Variants in ANTXR1 observed in about 807,000 individuals in gnomAD.
The protein encoded by ANTXR1 is anthrax toxin receptor 1.
In ANTXR1, 19 loss-of-function variants were observed where a neutral mutation model predicts 78.1. That is an observed-to-expected ratio of 0.24 (90% CI 0.17 to 0.36). The LOEUF (loss-of-function observed/expected upper bound fraction) is 0.36, where lower values mean the gene tolerates loss of function less well. Among genes scored for constraint, ANTXR1 ranks in the 10% least tolerant of loss-of-function variants. The pLI is 1.00. For missense variants in ANTXR1, 518 were observed against 718.6 expected (o/e 0.72, Z 3.19); for synonymous variants, 273 against 260.5 (o/e 1.05, Z -0.46).
intron 17 of ANTXR1, among the ~76,000 whole-genome samples, chr2:69,239,661 G>C (rs2104530632): frequency 6.6e-6 from 1 of 152,334 alleles, no homozygotes; most frequent in Non-Finnish European, 1.5e-5. Flanking sequence ...AGCCCATAGA[G>C]AGAAAGTGAC....
At chr2:69,094,917 C>G (rs554580981) in intron 9 of ANTXR1, among the ~76,000 whole-genome samples, 4 of 152,266 alleles carry the variant, frequency 2.6e-5, no homozygotes, top group African/African-American at 9.6e-5. Context: ...GGTAAGATAG[C>G]AGAAAAGACA....
intron 6 of ANTXR1, among the ~76,000 whole-genome samples, chr2:69,073,656 G>GA (rs1372317275): frequency 6.6e-6 from 1 of 152,012 alleles, no homozygotes; most frequent in Non-Finnish European, 1.5e-5. Flanking sequence ...AAGGCAAGTG[G>GA]AAAAATTCTC....
At chr2:69,126,029 G>C (rs1441329894) in intron 12 of ANTXR1, among the ~76,000 whole-genome samples, 1 of 152,196 alleles carries the variant, frequency 6.6e-6, no homozygotes, top group Non-Finnish European at 1.5e-5. Context: ...TTTGGAAGCT[G>C]TGTTGTTAGA....
chr2:69,106,867 G>A (rs148856731), intron 10 of ANTXR1, among the ~76,000 whole-genome samples: 46 of 152,228 alleles, frequency 3.0e-4, no homozygotes, highest in Non-Finnish European at 2.9e-5. Context: ...CAAACAAGAA[G>A]AGAGGATCAG....
rs34296585 is a variant in ANTXR1 at position 69,182,980 on chromosome 2, T to TAAAAAAA, written c.1353+330_1353+336dup. 203 of 209,090 alleles carry TAAAAAAA rather than the reference T, an allele frequency of 9.7e-4. 1 individual carries two copies. The highest frequency in any genetic ancestry group is 5.0e-3 in the African/African-American group (193 of 38,350). The allele number at this position is 209,090 out of a possible 1,614,324, so 13.0% of individuals were successfully genotyped here. A position where few individuals can be genotyped will look rare whatever the true frequency, so the allele number is the denominator to read the frequency against. On this transcript the variant is annotated intron_variant, in intron 16 of 17. Coordinates refer to ENST00000303714, the MANE Select transcript of ANTXR1 (RefSeq NM_032208.3). ...TGCAAATTCGTGAAGTGTTCCATATTAAAAAAAAAAAAAAAATCACCATGG... is the reference window on the plus strand; with the variant it reads ...TGCAAATTCGTGAAGTGTTCCATATTAAAAAAAAAAAAAAAAAAAAAAATCACCATGG...
intron 11 of ANTXR1, 48 bp downstream of exon 11, chr2:69,123,134 G>T: frequency 6.3e-7 from 1 of 1,575,106 alleles, no homozygotes; most frequent in South Asian, 1.1e-5. Context: ...AAGAGAGAGA[G>T]GAGGTGTACG....
At position 69,040,065 on chromosome 2, in the gene ANTXR1, C is replaced by A. The variant is rs748038870; in HGVS notation, c.174C>A (p.His58Gln). ...ILDKSGSVLH[H>Q]WNEIYYFVEQ... The stretch of plus-strand genomic sequence containing the variant: ...CTAGATCAGGAAGTGTGCTGCACCA[C>A]TGGAATGAAATCTATTACTTTGTGG... The change falls in exon 2 of 18, where the codon CAC becomes CAA. Residue 58 changes from histidine to glutamine, a missense_variant. Transcript: ENST00000303714. 6.2e-7 allele frequency: 1 copy of A among 1,613,466 alleles called. No individual in the cohort carries two copies.
At chr2:69,213,794 G>T (rs1034471118) in intron 17 of ANTXR1, among the ~76,000 whole-genome samples, 2 of 152,260 alleles carry the variant, frequency 1.3e-5, no homozygotes, top group African/African-American at 2.4e-5. Context: ...CCACATGTGG[G>T]TCATGGAAAG....
At chr2:69,122,947 C>G in intron 10 of ANTXR1, 70 bp from the exon 11 acceptor site, 1 of 1,526,792 alleles carries the variant, frequency 6.5e-7, no homozygotes, top group African/African-American at 1.4e-5. Context: ...TTGATGTTCT[C>G]TAGAAGTCAT....
intron 12 of ANTXR1, chr2:69,145,800 A>G (rs1673208680): frequency 1.0e-6 from 1 of 991,644 alleles, no homozygotes; most frequent in African/African-American, 1.7e-5. Flanking sequence ...TATCATCCAG[A>G]GGCCTGGTTC....
intron 3 of ANTXR1, among the ~76,000 whole-genome samples, chr2:69,058,677 AG>A (rs1670143252): frequency 6.6e-6 from 1 of 152,218 alleles, no homozygotes; most frequent in Non-Finnish European, 1.5e-5. Context: ...CCCATGGATC[AG>A]GGAGTAATTT....
chr2:69,017,544 TG>T (rs1159235259), intron 1 of ANTXR1, among the ~76,000 whole-genome samples: 1 of 152,182 alleles, frequency 6.6e-6, no homozygotes, highest in Non-Finnish European at 1.5e-5. Context: ...ATACATTTAA[TG>T]GAACGTCATG....
intron 9 of ANTXR1, among the ~76,000 whole-genome samples, chr2:69,096,129 G>A (rs1671392597): frequency 6.6e-6 from 1 of 151,728 alleles, no homozygotes; most frequent in African/African-American, 2.4e-5. Context: ...GTGGTGGCGG[G>A]CTCCTGTAGT....
intron 1 of ANTXR1, among the ~76,000 whole-genome samples, chr2:69,014,715 A>C (rs1300030462): frequency 6.6e-6 from 1 of 152,142 alleles, no homozygotes; most frequent in African/African-American, 2.4e-5. Context: ...AGTGGTGGGG[A>C]GATGGATTTC....
intron 3 of ANTXR1, among the ~76,000 whole-genome samples, chr2:69,048,421 C>T (rs1448885500): frequency 6.6e-6 from 1 of 152,082 alleles, no homozygotes; most frequent in African/African-American, 2.4e-5. Context: ...AGAAATTTAG[C>T]ACCCCTATTT....
At chr2:69,074,690 CAT>C (rs1199286409) in intron 6 of ANTXR1, among the ~76,000 whole-genome samples, 1 of 152,130 alleles carries the variant, frequency 6.6e-6, no homozygotes, top group African/African-American at 2.4e-5. Context: ...GAAAAAAAGA[CAT>C]AAGTTTTTGT....
intron 10 of ANTXR1, among the ~76,000 whole-genome samples, chr2:69,118,753 A>G (rs1325159289): frequency 6.6e-6 from 1 of 152,206 alleles, no homozygotes; most frequent in Admixed American, 6.5e-5. Context: ...GAGGTGCAGC[A>G]AGGAAGGCTT....
At chr2:69,085,429 A>C (rs1407279653) in intron 8 of ANTXR1, among the ~76,000 whole-genome samples, 1 of 152,192 alleles carries the variant, frequency 6.6e-6, no homozygotes, top group East Asian at 1.9e-4. Flanking sequence ...GGTGGTACTT[A>C]ATCAGACGAG....
At position 69,178,552 on chromosome 2, in the gene ANTXR1, C is replaced by G. The variant is rs377251650; in HGVS notation, c.1090-3234C>G. Among the ~76,000 whole-genome samples, 38 of 151,432 alleles carry G rather than the reference C, an allele frequency of 2.5e-4. No homozygotes were observed. In the East Asian group the frequency reaches 5.4e-3, roughly 22 times the overall value. On this transcript the variant is annotated intron_variant, in intron 14 of 17. Coordinates refer to ENST00000303714, the MANE Select transcript of ANTXR1 (RefSeq NM_032208.3). Reference sequence around the variant, plus strand: ...GCCAGGGACTAGAGGGAGGGGCCAGCGGCAAGAGGGAGGGGCCAGGGGCAA... The same window carrying G: ...GCCAGGGACTAGAGGGAGGGGCCAGGGGCAAGAGGGAGGGGCCAGGGGCAA...
Sources: allele counts gnomAD v4.1 joint callset (sites outside exome capture counted in the v4.1 genomes callset), GRCh38; gene constraint gnomAD v4.1.1; transcripts MANE v1.5; gene names NCBI Gene and HGNC (gene_info 2026-07-23, HGNC 2026-07-21).